The following ASIC2 variants were observed in gnomAD, a reference collection of about 807,000 sequenced individuals.
ASIC2 encodes the protein acid sensing ion channel subunit 2, also known as acid-sensing ion channel 2.
In ASIC2, 25 loss-of-function variants were observed where a neutral mutation model predicts 57.3. The ratio of observed to expected loss-of-function variants is 0.44; its 90% CI spans 0.32 to 0.61. ASIC2 has a LOEUF of 0.61. ASIC2 is among the 20% of genes least tolerant of loss of function. The probability of loss-of-function intolerance (pLI) is 0.06; values close to 1 mark genes in which losing one functional copy is unlikely to be tolerated. For missense variants in ASIC2, 641 were observed against 738.1 expected, an observed-to-expected ratio of 0.87 and a Z score of 1.52; for synonymous variants, 319 against 307.5, an observed-to-expected ratio of 1.04 and a Z score of -0.39.
Position 33,028,319 on chromosome 17 carries a change from C to T in ASIC2, c.1061G>A (p.Ser354Asn). ...EMGLDFFPVYSITACRIDCET... is the reference protein window; with the variant it reads ...EMGLDFFPVYNITACRIDCET... The stretch of plus-strand genomic sequence containing the variant: ...ACAGTCAATCCTACAGGCGGTGATG[C>T]TGTAAACAGGAAAAAAGTCGAGGCC... The change falls in exon 4 of 10, where the codon AGC (serine) becomes AAC (asparagine). Residue 354 changes from serine to asparagine, a missense_variant. Around this residue, in one of 3 missense-constraint regions of ASIC2, gnomAD observed 252 missense variants for 319.8 expected, o/e 0.79. Coordinates refer to ENST00000225823, the MANE Select transcript of ASIC2 (RefSeq NM_183377.2). The T allele has an allele frequency of 6.2e-7, 1 of 1,614,140 alleles. No homozygotes were observed. The highest frequency in any genetic ancestry group is 8.5e-7 in the Non-Finnish European group (1 of 1,180,034).
chr17:33,121,517 G>C (rs2092302065), intron 1 of ASIC2, among the ~76,000 whole-genome samples: 1 of 152,156 alleles, frequency 6.6e-6, no homozygotes, highest in Admixed American at 6.5e-5. Context: ...AGCAGGTTGA[G>C]ACAGATCCCC....
At chr17:33,270,703 C>T (rs1402443780) in intron 1 of ASIC2, among the ~76,000 whole-genome samples, 2 of 152,210 alleles carry the variant, frequency 1.3e-5, no homozygotes, top group East Asian at 3.8e-4. Flanking sequence ...AAGACAACTT[C>T]ATTTCTAACC....
At chr17:33,123,164 C>T (rs974211745) in intron 1 of ASIC2, among the ~76,000 whole-genome samples, 2 of 152,152 alleles carry the variant, frequency 1.3e-5, no homozygotes, top group African/African-American at 4.8e-5. Flanking sequence ...GAATTAAAAT[C>T]AATATGCTGA....
At chr17:33,353,539 A>G (rs1486950017) in intron 1 of ASIC2, among the ~76,000 whole-genome samples, 3 of 152,116 alleles carry the variant, frequency 2.0e-5, no homozygotes, top group African/African-American at 7.2e-5. Context: ...GGGTTTCACT[A>G]TGTTGCCAGG....
At chr17:33,683,219 C>A (rs1908065319) in intron 1 of ASIC2, among the ~76,000 whole-genome samples, 1 of 152,152 alleles carries the variant, frequency 6.6e-6, no homozygotes, top group South Asian at 2.1e-4. Flanking sequence ...AGGTGCCCGC[C>A]ACCACGCCCA....
At chr17:33,923,116 G>A (rs987487113) in intron 1 of ASIC2, among the ~76,000 whole-genome samples, 5 of 152,112 alleles carry the variant, frequency 3.3e-5, no homozygotes, top group African/African-American at 4.8e-5. Flanking sequence ...CCTGGAGCTC[G>A]GGAGTTCTTT....
At chr17:34,137,747 G>C (rs1412090825) in intron 1 of ASIC2, among the ~76,000 whole-genome samples, 2 of 152,136 alleles carry the variant, frequency 1.3e-5, no homozygotes, top group African/African-American at 4.8e-5. Context: ...TCAGTGTCTG[G>C]TGAAGGCTCG....
At chr17:34,032,321 T>C (rs1252275093) in intron 1 of ASIC2, among the ~76,000 whole-genome samples, 2 of 152,178 alleles carry the variant, frequency 1.3e-5, no homozygotes. Flanking sequence ...CTGAGAGATT[T>C]TGTCACCACC....
chr17:33,691,436 A>G (rs189624824), intron 1 of ASIC2, among the ~76,000 whole-genome samples: 1 of 152,240 alleles, frequency 6.6e-6, no homozygotes, highest in African/African-American at 2.4e-5. Flanking sequence ...AAAACATAGT[A>G]TTTATTTTTG....
At chr17:33,095,234 C>T (rs986939480) in intron 2 of ASIC2, among the ~76,000 whole-genome samples, 1 of 152,194 alleles carries the variant, frequency 6.6e-6, no homozygotes, top group Non-Finnish European at 1.5e-5. Flanking sequence ...TTTGCTCATG[C>T]TAGTCCCTCC....
intron 3 of ASIC2, among the ~76,000 whole-genome samples, chr17:33,058,777 A>G (rs937027781): frequency 4.6e-5 from 7 of 152,058 alleles, no homozygotes; most frequent in African/African-American, 1.7e-4. Context: ...TCCAGAAACC[A>G]GCGTAAGGAA....
chr17:33,114,970 GC>G (rs2092275093), intron 1 of ASIC2, among the ~76,000 whole-genome samples: 1 of 152,172 alleles, frequency 6.6e-6, no homozygotes, highest in South Asian at 2.1e-4. Flanking sequence ...TCTGCTTTGA[GC>G]AGATACAGTG....
intron 1 of ASIC2, among the ~76,000 whole-genome samples, chr17:33,886,773 C>A (rs1347905626): frequency 6.6e-6 from 1 of 151,886 alleles, no homozygotes; most frequent in Non-Finnish European, 1.5e-5. Flanking sequence ...TAGTACTTGA[C>A]GTGTTTCCCT....
intron 1 of ASIC2, among the ~76,000 whole-genome samples, chr17:33,440,052 C>A (rs1194416431): frequency 6.6e-6 from 1 of 152,182 alleles, no homozygotes; most frequent in African/African-American, 2.4e-5. Context: ...CTTGTAAATG[C>A]ACAGTTCAAT....
At chr17:33,569,315 C>T (rs1206093181) in intron 1 of ASIC2, 1 of 152,168 alleles carries the variant, frequency 6.6e-6, no homozygotes, top group Non-Finnish European at 1.5e-5. Flanking sequence ...TCATTCCATG[C>T]TGTTGTGATC....
chr17:33,589,597 C>T lies in ASIC2; in HGVS notation c.556-477530G>A, dbSNP rs577031235. 2.6e-5 allele frequency among the ~76,000 whole-genome samples: 4 copies of T among 152,304 alleles called. No homozygotes were observed. The South Asian group carries it at 8.3e-4, about 32-fold the overall frequency. On this transcript the variant is annotated intron_variant, in intron 1 of 9. Coordinates refer to the ASIC2 transcript ENST00000359872. ...GTGAATTTGCCTACTCTAGACACTT[C>T]ACATAAATGGAATCACACAGTATTT...
chr17:33,639,175 G>A (rs552127289), intron 1 of ASIC2, among the ~76,000 whole-genome samples: 39 of 152,018 alleles, frequency 2.6e-4, no homozygotes, highest in African/African-American at 9.2e-4. Flanking sequence ...CAGACGTGAG[G>A]CTTTTCCAAG....
At position 33,071,705 on chromosome 17, in the gene ASIC2, C is replaced by T. The variant is rs115776637; in HGVS notation, c.987+17158G>A. Among the ~76,000 whole-genome samples the T allele has an allele frequency of 8.0e-3, 1,224 of 152,254 alleles. 19 individuals are homozygous for T. Among genetic ancestry groups the T allele is most frequent in the African/African-American group, 0.028 (1,153 of 41,546 alleles). On this transcript the variant is annotated intron_variant, in intron 3 of 9. Coordinates refer to ENST00000225823, the MANE Select transcript of ASIC2 (RefSeq NM_183377.2). ...AATATTCTTGAGCTTTGTTCTGGAA[C>T]ACATTTAAGTTACTTAGAAAGAGTT... is the stretch of plus-strand genomic sequence containing the variant.
intron 1 of ASIC2, among the ~76,000 whole-genome samples, chr17:34,117,911 C>T (rs1911475878): frequency 6.6e-6 from 1 of 152,180 alleles, no homozygotes; most frequent in Non-Finnish European, 1.5e-5. Flanking sequence ...GCTTCAAGGA[C>T]ATTACACTAT....
Sources: allele counts gnomAD v4.1 joint callset (sites outside exome capture counted in the v4.1 genomes callset), GRCh38; gene constraint gnomAD v4.1.1; regional missense constraint gnomAD v4.1.1; transcripts MANE v1.5; gene names NCBI Gene and HGNC (gene_info 2026-07-23, HGNC 2026-07-21).